The following KCNIP4 variants were observed in gnomAD, a reference collection of about 807,000 sequenced individuals.
KCNIP4 encodes the protein potassium voltage-gated channel interacting protein 4, also known as Kv channel-interacting protein 4.
In KCNIP4, 12 loss-of-function variants were observed where a neutral mutation model predicts 34.0. The observed-to-expected ratio is 0.35, with a 90% CI of 0.23 to 0.57. The LOEUF (loss-of-function observed/expected upper bound fraction) is 0.57. Ranked by LOEUF, KCNIP4 falls within the 20% of genes least tolerant of loss-of-function variation. The pLI, the probability that KCNIP4 is intolerant of heterozygous loss-of-function variation, is 0.83. For synonymous variants in KCNIP4, 124 were observed against 102.2 expected, an observed-to-expected ratio of 1.21 and a Z score of -1.29; for missense variants, 238 against 311.7, an observed-to-expected ratio of 0.76 and a Z score of 1.78.
At chr4:21,740,499 C>T (rs1716321318) in intron 1 of KCNIP4, among the ~76,000 whole-genome samples, 1 of 151,796 alleles carries the variant, frequency 6.6e-6, no homozygotes, top group African/African-American at 2.4e-5. Context: ...ATAGAATATT[C>T]AGTGGTAAGC....
intron 1 of KCNIP4, among the ~76,000 whole-genome samples, chr4:20,925,821 T>TG (rs1689585106): frequency 6.6e-6 from 1 of 152,198 alleles, no homozygotes; most frequent in South Asian, 2.1e-4. Context: ...AAAAGGCACA[T>TG]GGGGCGAAGT....
intron 1 of KCNIP4, among the ~76,000 whole-genome samples, chr4:21,910,662 T>C (rs1347799151): frequency 2.0e-5 from 3 of 152,166 alleles, no homozygotes; most frequent in African/African-American, 4.8e-5. Flanking sequence ...GGCACTAAAT[T>C]ATATAAGGGA....
At chr4:21,778,472 T>G (rs1273470052) in intron 1 of KCNIP4, among the ~76,000 whole-genome samples, 1 of 151,964 alleles carries the variant, frequency 6.6e-6, no homozygotes, top group African/African-American at 2.4e-5. Flanking sequence ...TGGGTTGAAC[T>G]CCCACCTCGG....
chr4:20,852,096 T>C (rs546033180), intron 2 of KCNIP4, among the ~76,000 whole-genome samples: 2 of 152,158 alleles, frequency 1.3e-5, no homozygotes, highest in African/African-American at 2.4e-5. Flanking sequence ...TATAAGGAGA[T>C]AGAGAAAGAA....
chr4:21,341,726 C>T (rs1179025077), intron 1 of KCNIP4, among the ~76,000 whole-genome samples: 1 of 152,130 alleles, frequency 6.6e-6, no homozygotes, highest in East Asian at 1.9e-4. Flanking sequence ...ATACATGAAT[C>T]AGTTCTTGGC....
At chr4:20,858,308 C>T (rs1721833722) in intron 2 of KCNIP4, among the ~76,000 whole-genome samples, 1 of 149,782 alleles carries the variant, frequency 6.7e-6, no homozygotes, top group Non-Finnish European at 1.5e-5. Flanking sequence ...GGGAAGATGG[C>T]TCACAGCTGG....
chr4:21,784,776 T>G (rs1029058896), intron 1 of KCNIP4, among the ~76,000 whole-genome samples: 30 of 152,294 alleles, frequency 2.0e-4, no homozygotes, highest in African/African-American at 6.3e-4. Flanking sequence ...ACACAGCATT[T>G]TTATTTATCT....
chr4:21,182,480 T>C (rs1754913283), intron 1 of KCNIP4, among the ~76,000 whole-genome samples: 4 of 151,762 alleles, frequency 2.6e-5, no homozygotes, highest in Admixed American at 2.6e-4. Flanking sequence ...CTTCTAATAA[T>C]ACATTTAAGG....
intron 3 of KCNIP4, among the ~76,000 whole-genome samples, chr4:20,822,641 C>T (rs1215208965): frequency 6.6e-6 from 1 of 152,094 alleles, no homozygotes; most frequent in African/African-American, 2.4e-5. Context: ...TTTGAGTTGT[C>T]GCTGGAACAA....
chr4:20,789,608 C>T (rs1712462204), intron 3 of KCNIP4, among the ~76,000 whole-genome samples: 1 of 152,174 alleles, frequency 6.6e-6, no homozygotes, highest in Non-Finnish European at 1.5e-5. Context: ...CAAATTGCTG[C>T]AATCAAAGGC....
In KCNIP4 at chr4:21,191,475, G is replaced by A. The variant is rs115147213; in HGVS notation, c.62-308766C>T. ...AAACCGCACACCAAGCCCTGCCGGA[G>A]GGTGCTGTATAATCATCAGAGCCCT... On this transcript the variant is annotated intron_variant, in intron 1 of 8. Coordinates refer to ENST00000382152, the MANE Select transcript of KCNIP4 (RefSeq NM_025221.6). 3.1e-3 allele frequency among the ~76,000 whole-genome samples: 470 copies of A among 152,318 alleles called. 4 individuals are homozygous for A. Among genetic ancestry groups the A allele is most frequent in the Middle Eastern group, 0.01 (3 of 294 alleles).
intron 2 of KCNIP4, among the ~76,000 whole-genome samples, chr4:20,881,908 C>T (rs1724729867): frequency 6.6e-6 from 1 of 152,172 alleles, no homozygotes. Flanking sequence ...GACATCAAAT[C>T]CTTCCTGAAC....
intron 1 of KCNIP4, among the ~76,000 whole-genome samples, chr4:21,556,922 G>GAAAAAAA (rs1253971751): frequency 5.8e-4 from 41 of 70,658 alleles, no homozygotes; most frequent in Admixed American, 1.7e-3. Context: ...CTCCATCTCA[G>GAAAAAAA]AAAAAAAAAA....
At chr4:21,223,576 T>C (rs1388722648) in intron 1 of KCNIP4, among the ~76,000 whole-genome samples, 1 of 152,210 alleles carries the variant, frequency 6.6e-6, no homozygotes, top group African/African-American at 2.4e-5. Context: ...CCTCACAGCA[T>C]AGTTTAAGTC....
At chr4:21,418,163 A>T (rs907959207) in intron 1 of KCNIP4, among the ~76,000 whole-genome samples, 3 of 151,628 alleles carry the variant, frequency 2.0e-5, no homozygotes, top group Non-Finnish European at 2.9e-5. Context: ...CTACACACAC[A>T]CTCTCTCCCT....
At chr4:20,771,292 A>G (rs1755855791) in intron 3 of KCNIP4, among the ~76,000 whole-genome samples, 1 of 152,168 alleles carries the variant, frequency 6.6e-6, no homozygotes, top group Non-Finnish European at 1.5e-5. Context: ...TCTGTCACCT[A>G]CTAAATTGGC....
chr4:21,443,812 A>G (rs944940635), intron 1 of KCNIP4, among the ~76,000 whole-genome samples: 1 of 152,122 alleles, frequency 6.6e-6, no homozygotes, highest in Non-Finnish European at 1.5e-5. Flanking sequence ...TTGTGCCTGA[A>G]GGTCCAGCCA....
chr4:21,704,068 A>G (rs971460834), intron 1 of KCNIP4, among the ~76,000 whole-genome samples: 1 of 152,206 alleles, frequency 6.6e-6, no homozygotes, highest in Non-Finnish European at 1.5e-5. Context: ...AAGAGCAGCT[A>G]TTCAGTAGAG....
At chr4:21,057,880 C>A (rs931334911) in intron 1 of KCNIP4, among the ~76,000 whole-genome samples, 1 of 152,158 alleles carries the variant, frequency 6.6e-6, no homozygotes, top group African/African-American at 2.4e-5. Context: ...TGTCAGTTAT[C>A]TTTATCTCAT....
Sources: gnomAD v4.1 joint callset for allele counts (sites outside exome capture counted in the v4.1 genomes callset) on GRCh38, gnomAD v4.1.1 for gene constraint, MANE v1.5 for transcripts, NCBI Gene and HGNC (gene_info 2026-07-23, HGNC 2026-07-21) for gene names.